Variants in CTTNBP2 observed in about 807,000 individuals in gnomAD.
The protein encoded by CTTNBP2 is cortactin-binding protein 2.
In CTTNBP2, 108 loss-of-function variants were observed where a neutral mutation model predicts 156.9. The observed-to-expected ratio is 0.69, with a 90% CI of 0.59 to 0.81. CTTNBP2 has a LOEUF of 0.81. CTTNBP2 is among the 30% of genes least tolerant of loss of function. The pLI is 0.00. For missense variants in CTTNBP2, 1,924 were observed against 2,035.4 expected (o/e 0.95, Z 1.05); for synonymous variants, 767 against 751.8 (o/e 1.02, Z -0.33).
chr7:117,845,501 C>T (rs1802530270), intron 2 of CTTNBP2, among the ~76,000 whole-genome samples: 1 of 151,966 alleles, frequency 6.6e-6, no homozygotes, highest in Non-Finnish European at 1.5e-5. Context: ...GCATTTATTA[C>T]ATTAATAATT....
chr7:117,796,499 G>T (rs1362906879), intron 3 of CTTNBP2, among the ~76,000 whole-genome samples: 2 of 152,184 alleles, frequency 1.3e-5, no homozygotes, highest in African/African-American at 4.8e-5. Context: ...AAGAGAATAA[G>T]AGATGTAGTA....
intron 3 of CTTNBP2, among the ~76,000 whole-genome samples, chr7:117,806,744 A>ATTTTTTTTTTTTTTTT (rs3059529): frequency 8.4e-6 from 1 of 119,226 alleles, no homozygotes. Flanking sequence ...TCTTTTTCTC[A>ATTTTTTTTTTTTTTTT]TTTTTTTTTT....
intron 6 of CTTNBP2, among the ~76,000 whole-genome samples, 194 bp from the exon 7 acceptor site, chr7:117,780,785 T>C (rs1040768220): frequency 1.3e-5 from 2 of 152,226 alleles, no homozygotes; most frequent in African/African-American, 4.8e-5. Context: ...AGAAAATATA[T>C]TCTAATCATA....
intron 3 of CTTNBP2, among the ~76,000 whole-genome samples, chr7:117,803,134 G>C (rs1243696288): frequency 6.6e-6 from 1 of 152,136 alleles, no homozygotes; most frequent in African/African-American, 2.4e-5. Flanking sequence ...CAACCTAGGT[G>C]CCCATCAACA....
At chr7:117,847,183 GT>G (rs538791031) in intron 2 of CTTNBP2, among the ~76,000 whole-genome samples, 56 of 152,204 alleles carry the variant, frequency 3.7e-4, no homozygotes, top group Non-Finnish European at 6.9e-4. Context: ...GCACAAGCTG[GT>G]TTTCAAAGCA....
At chr7:117,725,908 C>T (rs1238170605) in intron 17 of CTTNBP2, among the ~76,000 whole-genome samples, 1 of 152,112 alleles carries the variant, frequency 6.6e-6, no homozygotes, top group Non-Finnish European at 1.5e-5. Flanking sequence ...AGGCTGGTCT[C>T]GAACTCCTGA....
intron 2 of CTTNBP2, among the ~76,000 whole-genome samples, chr7:117,840,082 C>T (rs1304914046): frequency 1.3e-5 from 2 of 152,124 alleles, no homozygotes; most frequent in Non-Finnish European, 2.9e-5. Context: ...CCTGTTCATA[C>T]AATCCACAAA....
At chr7:117,744,129 A>C (rs1199405849) in intron 14 of CTTNBP2, among the ~76,000 whole-genome samples, 8 of 152,092 alleles carry the variant, frequency 5.3e-5, no homozygotes, top group Non-Finnish European at 8.8e-5. Context: ...AATGGGGTAT[A>C]TTTATCCCCT....
intron 5 of CTTNBP2, among the ~76,000 whole-genome samples, chr7:117,783,224 T>C (rs1007567884): frequency 1.3e-5 from 2 of 152,168 alleles, no homozygotes; most frequent in African/African-American, 4.8e-5. Context: ...TGTGTGCATT[T>C]TGGGAAGAGT....
chr7:117,728,192 G>A lies in CTTNBP2; in HGVS notation c.3952C>T (p.Leu1318Phe). 3 of 1,614,176 alleles carry A rather than the reference G, an allele frequency of 1.9e-6. No homozygotes were observed. Among genetic ancestry groups the A allele is most frequent in the Non-Finnish European group, 1.7e-6 (2 of 1,179,996 alleles). Residue 1318 changes from leucine to phenylalanine, a missense_variant, in exon 17 of 23, where the codon CTT becomes TTT. By Grantham distance (22) the Leu-to-Phe change is conservative (BLOSUM62 0). Transcript: ENST00000160373. ...CCCAAGCGGGCCAGGCAGGAGTTAA[G>A]CTGACGCCAGACGGACAGAGCCCAG... ...VDWALSVWRQ[L>F]NSCLARLGTP... is the part of the protein sequence containing the mutation.
chr7:117,779,324 C>G (rs1798274689), intron 7 of CTTNBP2, among the ~76,000 whole-genome samples: 1 of 152,180 alleles, frequency 6.6e-6, no homozygotes, highest in African/African-American at 2.4e-5. Context: ...TTTCTATCCT[C>G]TTTTGATACT....
chr7:117,809,977 C>T (rs1243622386), intron 3 of CTTNBP2, among the ~76,000 whole-genome samples: 2 of 152,138 alleles, frequency 1.3e-5, no homozygotes, highest in African/African-American at 2.4e-5. Flanking sequence ...TAAAAGGCAT[C>T]GATAGTCTTG....
At chr7:117,735,869 C>T (rs952573260) in intron 14 of CTTNBP2, among the ~76,000 whole-genome samples, 1 of 152,084 alleles carries the variant, frequency 6.6e-6, no homozygotes, top group Non-Finnish European at 1.5e-5. Flanking sequence ...GATTCATACA[C>T]AGGGAGTAAA....
intron 11 of CTTNBP2, among the ~76,000 whole-genome samples, chr7:117,757,501 C>T (rs1196412166): frequency 1.5e-5 from 2 of 132,976 alleles, no homozygotes; most frequent in East Asian, 4.6e-4. Context: ...CCATCGTGAT[C>T]ATCGTATTAA....
intron 9 of CTTNBP2, among the ~76,000 whole-genome samples, chr7:117,761,420 C>A (rs540050038): frequency 6.6e-6 from 1 of 152,210 alleles, no homozygotes; most frequent in Non-Finnish European, 1.5e-5. Context: ...GTAGCACCCC[C>A]ATCTACTTCT....
intron 8 of CTTNBP2, among the ~76,000 whole-genome samples, chr7:117,777,284 C>A (rs1299659670): frequency 1.3e-5 from 2 of 152,242 alleles, no homozygotes; most frequent in East Asian, 3.9e-4. Flanking sequence ...CCTCATATTT[C>A]TTATTAACAA....
At chr7:117,807,922 C>T (rs897464679) in intron 3 of CTTNBP2, among the ~76,000 whole-genome samples, 2 of 152,158 alleles carry the variant, frequency 1.3e-5, no homozygotes, top group East Asian at 3.9e-4. Context: ...CAACAAATGC[C>T]CTTTCTGCCT....
chr7:117,731,491 G>T (rs1795396394), intron 16 of CTTNBP2, among the ~76,000 whole-genome samples: 1 of 152,198 alleles, frequency 6.6e-6, no homozygotes, highest in Non-Finnish European at 1.5e-5. Context: ...CTCTCTGAGG[G>T]TGAGAGGAAC....
At chr7:117,797,120 C>A (rs1031108030) in intron 3 of CTTNBP2, among the ~76,000 whole-genome samples, 1 of 152,170 alleles carries the variant, frequency 6.6e-6, no homozygotes, top group East Asian at 1.9e-4. Context: ...AAGTACAATG[C>A]ACTGGTGATA....
Sources: allele counts gnomAD v4.1 joint callset (sites outside exome capture counted in the v4.1 genomes callset), GRCh38; gene constraint gnomAD v4.1.1; transcripts MANE v1.5; gene names NCBI Gene and HGNC (gene_info 2026-07-23, HGNC 2026-07-21).